Variants in LRRFIP2 observed in about 807,000 individuals in gnomAD.
The protein encoded by LRRFIP2 is leucine-rich repeat flightless-interacting protein 2.
A neutral mutation model predicts 125.9 loss-of-function variants in LRRFIP2; 109 were observed. The observed-to-expected ratio is 0.87, with a 90% CI of 0.74 to 1.01. The LOEUF (loss-of-function observed/expected upper bound fraction) is 1.01, where lower values mean the gene tolerates loss of function less well. LRRFIP2 is among the 50% of genes least tolerant of loss of function. LRRFIP2 has a pLI of 0.00. For missense variants in LRRFIP2, 850 were observed against 862.3 expected (o/e 0.99, Z 0.18); for synonymous variants, 291 against 293.1 (o/e 0.99, Z 0.07).
intron 2 of LRRFIP2, among the ~76,000 whole-genome samples, chr3:37,147,400 C>G (rs752481942): frequency 2.0e-5 from 3 of 152,168 alleles, no homozygotes; most frequent in South Asian, 4.1e-4. Flanking sequence ...TGCACATGTA[C>G]GTTCACTGGA....
intron 6 of LRRFIP2, among the ~76,000 whole-genome samples, chr3:37,117,332 CT>C (rs1394541619): frequency 6.6e-6 from 1 of 151,960 alleles, no homozygotes; most frequent in Non-Finnish European, 1.5e-5. Flanking sequence ...TTCAATTTTC[CT>C]TTTCCAAAAT....
Position 37,112,959 on chromosome 3 carries a change from G to A in LRRFIP2, c.394C>T (p.His132Tyr). ...TCAGAAGACCTCTTCTTCATTCCATGAGAGTGACTGTAAGAATGATTCTGG... is the reference window on the plus strand; with the variant it reads ...TCAGAAGACCTCTTCTTCATTCCATAAGAGTGACTGTAAGAATGATTCTGG... The part of the protein sequence containing the change: ...SSLNHSYSHS[H>Y]GMKKRSSDSH... Residue 132 changes from histidine (H) to tyrosine (Y), a missense_variant, in exon 8 of 28, where the codon CAT becomes TAT. Physicochemically the swap from His to Tyr is moderately conservative, Grantham distance 83. Transcript: ENST00000336686. The A allele has an allele frequency of 1.3e-6, 2 of 1,580,364 alleles. No individual in the cohort carries two copies. Among genetic ancestry groups the A allele is most frequent in the East Asian group, 2.3e-5 (1 of 44,206 alleles).
At chr3:37,100,926 T>C (rs1165871842) in intron 15 of LRRFIP2, among the ~76,000 whole-genome samples, 1 of 152,148 alleles carries the variant, frequency 6.6e-6, no homozygotes, top group East Asian at 1.9e-4. Flanking sequence ...GAACCAATGA[T>C]CTGGAATGCT....
Position 37,127,680 on chromosome 3 carries a change from A to G in LRRFIP2, c.178T>C (p.Tyr60His), listed in dbSNP as rs759335724. ...TTCCGATCAAAGGAATGAAGAGAGT[A>G]CTAGAAATGCAAAAATTTCATAAAC... ...MRELERQQKE[Y>H]SLHSFDRKWG... Residue 60 changes from tyrosine (Y) to histidine (H), a missense_variant and splice_region_variant, in exon 4 of 28, where the codon TAC (tyrosine) becomes CAC (histidine). Physicochemically the swap from Tyr to His is moderately conservative, Grantham distance 83 (BLOSUM62 2). Transcript: ENST00000336686. 6.2e-7 allele frequency: 1 copy of G among 1,613,726 alleles called. No homozygotes were observed. The highest frequency in any genetic ancestry group is 1.1e-5 in the South Asian group (1 of 91,064).
At chr3:37,141,258 A>G (rs534510185) in intron 2 of LRRFIP2, among the ~76,000 whole-genome samples, 49 of 152,342 alleles carry the variant, frequency 3.2e-4, no homozygotes, top group African/African-American at 1.1e-3. Flanking sequence ...TCAAATCTGA[A>G]AAAGGATTTA....
intron 7 of LRRFIP2, among the ~76,000 whole-genome samples, chr3:37,114,198 T>C (rs766553799): frequency 7.2e-5 from 11 of 152,160 alleles, no homozygotes; most frequent in Non-Finnish European, 1.0e-4. Flanking sequence ...AGGCAACCTA[T>C]TGACAAAATA....
At chr3:37,061,400 CTTTTTT>C (rs755082682) in intron 24 of LRRFIP2, among the ~76,000 whole-genome samples, 25 of 112,244 alleles carry the variant, frequency 2.2e-4, no homozygotes, top group Non-Finnish European at 3.5e-4. Flanking sequence ...TTTTCTTTTT[CTTTTTT>C]CCTTTTTTTT....
chr3:37,155,105 A>G (rs148125815), intron 1 of LRRFIP2, among the ~76,000 whole-genome samples: 15 of 152,354 alleles, frequency 9.8e-5, no homozygotes, highest in Non-Finnish European at 1.5e-4. Flanking sequence ...TCCAAGTTCA[A>G]CTGATTGCAC....
chr3:37,101,691 G>C (rs1292888934), intron 15 of LRRFIP2, among the ~76,000 whole-genome samples: 1 of 147,652 alleles, frequency 6.8e-6, no homozygotes, highest in Non-Finnish European at 1.5e-5. Flanking sequence ...AAAAGAAGAA[G>C]AAGAAGAAAG....
At chr3:37,116,477 T>TTAGA (rs1168003303) in intron 6 of LRRFIP2, among the ~76,000 whole-genome samples, 6 of 152,170 alleles carry the variant, frequency 3.9e-5, no homozygotes, top group African/African-American at 1.4e-4. Context: ...AGAGAAAATA[T>TTAGA]TAGAGGGTGT....
upstream of LRRFIP2, among the ~76,000 whole-genome samples, chr3:37,175,549 C>A (rs532608274): frequency 9.2e-5 from 14 of 152,300 alleles, no homozygotes; most frequent in Non-Finnish European, 4.4e-5. Context: ...ACTTAACAAT[C>A]TGGGTGTCAA....
In LRRFIP2 at chr3:37,109,580, A is replaced by G. The variant is rs1380151866; in HGVS notation, c.565-9T>C. On this transcript the variant is annotated splice_polypyrimidine_tract_variant and intron_variant, in intron 10 of 27. Coordinates refer to ENST00000336686, the MANE Select transcript of LRRFIP2 (RefSeq NM_006309.4). ...TTTGCAGTAGGAGAGGCCTAAGAAA[A>G]AAGTGTATTATTAAACCCCAAAAAA... 3 of 1,614,090 alleles carry G rather than the reference A, an allele frequency of 1.9e-6. No individual in the cohort carries two copies.
upstream of LRRFIP2, among the ~76,000 whole-genome samples, chr3:37,175,450 T>TC (rs1224508234): frequency 1.3e-5 from 2 of 152,198 alleles, no homozygotes; most frequent in South Asian, 2.1e-4. Context: ...TGAACTTTTT[T>TC]CCCTCTAAGA....
intron 2 of LRRFIP2, among the ~76,000 whole-genome samples, chr3:37,139,736 G>A (rs1482214719): frequency 6.6e-6 from 1 of 152,004 alleles, no homozygotes; most frequent in African/African-American, 2.4e-5. Flanking sequence ...CTGGGTCTTT[G>A]CTCTCTACTT....
chr3:37,127,959 T>C (rs997001529), intron 3 of LRRFIP2, among the ~76,000 whole-genome samples: 1 of 152,186 alleles, frequency 6.6e-6, no homozygotes, highest in African/African-American at 2.4e-5. Flanking sequence ...TCTCACTTAG[T>C]TGCCCAGGCT....
chr3:37,094,796 A>T lies in LRRFIP2; in HGVS notation c.1031T>A (p.Leu344Ter), dbSNP rs1352477168. The change falls in exon 17 of 28, where the codon TTG becomes TAG. Residue 344 changes from leucine (L) to a stop codon, truncating the protein, a stop_gained. Coordinates refer to ENST00000336686, the MANE Select transcript of LRRFIP2 (RefSeq NM_006309.4). LOFTEE classifies it high-confidence loss of function. ...AAACCAAAAACTTCAGTTTACCCGC[A>T]ATTCACTTAATGAAGTGTCTGGATC... Reference protein sequence around the residue: ...LIDPDTSLSELRDIYDLKDQI... With the variant: ...LIDPDTSLSE 7.5e-6 allele frequency: 12 copies of T among 1,609,988 alleles called. No homozygotes were observed. The highest frequency in any genetic ancestry group is 1.0e-5 in the Non-Finnish European group (12 of 1,176,610).
intron 24 of LRRFIP2, among the ~76,000 whole-genome samples, chr3:37,061,672 C>G (rs1035080303): frequency 3.9e-5 from 6 of 152,150 alleles, no homozygotes; most frequent in African/African-American, 1.4e-4. Context: ...CAGGCATGAG[C>G]TGCTGTGCCC....
rs745523513 is a variant in LRRFIP2, at chr3:37,091,549, T to C, written c.1036-11A>G. 8.2e-6 allele frequency: 13 copies of C among 1,591,234 alleles called. No homozygotes were observed. Among genetic ancestry groups the C allele is most frequent in the East Asian group, 4.5e-5 (2 of 44,340 alleles). On this transcript the variant is annotated splice_polypyrimidine_tract_variant and intron_variant, in intron 17 of 27. Transcript: ENST00000336686. ...AAGGTCATAGATATCCTGCAGGACA[T>C]AGGAATGAACCATTGCATAAAACCA...
intron 21 of LRRFIP2, chr3:37,067,548 G>C (rs537137012): frequency 6.6e-6 from 1 of 152,184 alleles, no homozygotes; most frequent in African/African-American, 2.4e-5. Flanking sequence ...GTGGGACAGC[G>C]AATTGCTGAG....
Sources: gnomAD v4.1 joint callset for allele counts (sites outside exome capture counted in the v4.1 genomes callset) on GRCh38, gnomAD v4.1.1 for gene constraint, MANE v1.5 for transcripts, NCBI Gene and HGNC (gene_info 2026-07-23, HGNC 2026-07-21) for gene names.